Variants in CRPPA observed in about 807,000 individuals in gnomAD.
The protein encoded by CRPPA is D-ribitol-5-phosphate cytidylyltransferase.
Under a neutral mutation model 52.0 loss-of-function variants are expected in CRPPA, and 43 were observed. That is an observed-to-expected ratio of 0.83 (90% CI 0.65 to 1.07). The LOEUF is 1.07. Among genes scored for constraint, CRPPA ranks in the 50% least tolerant of loss-of-function variants. CRPPA has a pLI of 0.00. For missense variants in CRPPA, 629 were observed against 551.7 expected (o/e 1.14, Z -1.40); for synonymous variants, 250 against 203.5 (o/e 1.23, Z -1.94).
intron 3 of CRPPA, among the ~76,000 whole-genome samples, chr7:16,313,086 G>T (rs1341771430): frequency 6.6e-6 from 1 of 151,874 alleles, no homozygotes; most frequent in African/African-American, 2.4e-5. Flanking sequence ...TAGCATCACA[G>T]AATGAGTTAA....
intron 9 of CRPPA, among the ~76,000 whole-genome samples, chr7:16,106,575 C>T (rs532628808): frequency 1.1e-4 from 17 of 152,326 alleles, no homozygotes; most frequent in African/African-American, 3.4e-4. Context: ...AAGTTCTACC[C>T]GTCTGGGGTT....
At chr7:16,202,300 T>C (rs1318839790) in intron 9 of CRPPA, among the ~76,000 whole-genome samples, 1 of 152,158 alleles carries the variant, frequency 6.6e-6, no homozygotes, top group Admixed American at 6.6e-5. Flanking sequence ...ACTATTCTGT[T>C]CATGTTTTAC....
intron 9 of CRPPA, among the ~76,000 whole-genome samples, chr7:16,150,223 C>T (rs1411852254): frequency 6.6e-6 from 1 of 152,006 alleles, no homozygotes. Context: ...GAAACTATAA[C>T]TGAATATTTA....
chr7:16,192,534 C>G (rs542982062), intron 9 of CRPPA, among the ~76,000 whole-genome samples: 1 of 152,122 alleles, frequency 6.6e-6, no homozygotes, highest in Non-Finnish European at 1.5e-5. Context: ...AAATGTAGAA[C>G]ATTTCCATCA....
intron 9 of CRPPA, among the ~76,000 whole-genome samples, chr7:16,204,934 C>T (rs1222367042): frequency 6.6e-6 from 1 of 152,126 alleles, no homozygotes; most frequent in Non-Finnish European, 1.5e-5. Context: ...TATTTTACAT[C>T]AGAGAATTCA....
intron 9 of CRPPA, among the ~76,000 whole-genome samples, chr7:16,160,633 T>C (rs1783283656): frequency 6.6e-6 from 1 of 152,172 alleles, no homozygotes; most frequent in South Asian, 2.1e-4. Flanking sequence ...CTTAGGATTT[T>C]CTTGGCTACA....
At chr7:16,404,619 A>C (rs753193151) in intron 2 of CRPPA, among the ~76,000 whole-genome samples, 13 of 133,122 alleles carry the variant, frequency 9.8e-5, no homozygotes, top group Non-Finnish European at 2.1e-4. Flanking sequence ...TAACACAGGC[A>C]AAAAAAAAAA....
At chr7:16,232,312 A>C (rs1269246179) in intron 8 of CRPPA, among the ~76,000 whole-genome samples, 1 of 152,202 alleles carries the variant, frequency 6.6e-6, no homozygotes, top group Non-Finnish European at 1.5e-5. Flanking sequence ...TTAAGAGGTG[A>C]TAAGGTCATG....
At chr7:16,179,610 G>T in intron 9 of CRPPA, among the ~76,000 whole-genome samples, 1 of 151,972 alleles carries the variant, frequency 6.6e-6, no homozygotes, top group East Asian at 1.9e-4. Context: ...ATAAGGTATG[G>T]AATCCTCCAC....
At chr7:16,113,213 T>C (rs1227341891) in intron 9 of CRPPA, among the ~76,000 whole-genome samples, 1 of 151,674 alleles carries the variant, frequency 6.6e-6, no homozygotes, top group Non-Finnish European at 1.5e-5. Flanking sequence ...TCAAAAGCAA[T>C]AGATTAGATT....
chr7:16,294,818 G>T (rs1784638275), intron 5 of CRPPA, among the ~76,000 whole-genome samples: 1 of 151,940 alleles, frequency 6.6e-6, no homozygotes, highest in African/African-American at 2.4e-5. Context: ...AGCCTGATGA[G>T]AACATACCAC....
intron 8 of CRPPA, among the ~76,000 whole-genome samples, chr7:16,225,694 G>T (rs1175669470): frequency 6.6e-6 from 1 of 151,478 alleles, no homozygotes; most frequent in Non-Finnish European, 1.5e-5. Context: ...TATTATTAAG[G>T]TTCTCTGCAG....
rs532575535 is a variant in CRPPA, at chr7:16,302,386, T to A, written c.790-920A>T. ...AACCTGCCAACATGGCATGTGTCTG[T>A]CCTATGGCAGATACTTCACAGACCC... On this transcript the variant is annotated intron_variant, in intron 4 of 9. Transcript: ENST00000407010. Among the ~76,000 whole-genome samples, 21 of 151,650 alleles carry A rather than the reference T, an allele frequency of 1.4e-4. No homozygotes were observed. The East Asian group carries it at 3.7e-3, about 27-fold the overall frequency.
intron 1 of CRPPA, among the ~76,000 whole-genome samples, chr7:16,418,664 T>C (rs1788251808): frequency 6.6e-6 from 1 of 152,122 alleles, no homozygotes. Flanking sequence ...GAACTCACTA[T>C]CAAGAGACCA....
intron 9 of CRPPA, among the ~76,000 whole-genome samples, chr7:16,114,529 C>T (rs1782329955): frequency 6.6e-6 from 1 of 152,018 alleles, no homozygotes; most frequent in Admixed American, 6.6e-5. Flanking sequence ...AAAATCACCA[C>T]CAAAAACAGT....
intron 3 of CRPPA, among the ~76,000 whole-genome samples, chr7:16,319,556 G>A (rs1197918076): frequency 6.6e-6 from 1 of 152,094 alleles, no homozygotes; most frequent in Non-Finnish European, 1.5e-5. Context: ...ATTGGGTTAA[G>A]GTGTTTATGG....
chr7:16,258,245 G>C (rs895389088), intron 8 of CRPPA, 145 bp downstream of exon 8: 5 of 485,526 alleles, frequency 1.0e-5, no homozygotes, highest in Non-Finnish European at 1.8e-5. Context: ...GTCATAGCTA[G>C]AGAGTAAGCA....
intron 2 of CRPPA, among the ~76,000 whole-genome samples, chr7:16,387,229 T>A (rs190112985): frequency 2.2e-4 from 34 of 151,154 alleles, no homozygotes; most frequent in African/African-American, 8.0e-4. Flanking sequence ...GCAAAAAATA[T>A]AATGGATTGT....
chr7:16,321,018 G>A (rs1398602563), intron 3 of CRPPA, among the ~76,000 whole-genome samples: 1 of 152,044 alleles, frequency 6.6e-6, no homozygotes, highest in Non-Finnish European at 1.5e-5. Context: ...ATATTCACGA[G>A]AAGTTTTCAA....
Sources: allele counts gnomAD v4.1 joint callset (sites outside exome capture counted in the v4.1 genomes callset), GRCh38; gene constraint gnomAD v4.1.1; transcripts MANE v1.5; gene names NCBI Gene and HGNC (gene_info 2026-07-23, HGNC 2026-07-21).